Variants in IGF2BP3 observed in about 807,000 individuals in gnomAD.
The protein encoded by IGF2BP3 is insulin-like growth factor 2 mRNA-binding protein 3.
Under a neutral mutation model 73.8 loss-of-function variants are expected in IGF2BP3, and 9 were observed. The observed-to-expected ratio is 0.12, with a 90% CI of 0.07 to 0.21. The LOEUF (loss-of-function observed/expected upper bound fraction) is 0.21. IGF2BP3 is among the 10% of genes least tolerant of loss of function. The pLI, the probability that IGF2BP3 is intolerant of heterozygous loss-of-function variation, is 1.00. For synonymous variants in IGF2BP3, 258 were observed against 256.7 expected, an observed-to-expected ratio of 1.01 and a Z score of -0.05; for missense variants, 542 against 714.0, an observed-to-expected ratio of 0.76 and a Z score of 2.75.
intron 2 of IGF2BP3, among the ~76,000 whole-genome samples, chr7:23,422,367 G>A (rs1787374930): frequency 6.6e-6 from 1 of 152,114 alleles, no homozygotes; most frequent in African/African-American, 2.4e-5. Context: ...GCCTTTTGGG[G>A]GGCCAAGGTG....
chr7:23,356,284 G>A (rs1785094066), intron 5 of IGF2BP3, among the ~76,000 whole-genome samples: 1 of 152,130 alleles, frequency 6.6e-6, no homozygotes, highest in Admixed American at 6.5e-5. Flanking sequence ...CTGGCTGGGT[G>A]CAGGAGCTCA....
chr7:23,467,047 C>T (rs542603360), intron 2 of IGF2BP3, among the ~76,000 whole-genome samples: 1 of 152,180 alleles, frequency 6.6e-6, no homozygotes, highest in Non-Finnish European at 1.5e-5. Context: ...TGACTTCTCC[C>T]TCGATTTTCA....
At chr7:23,439,554 CAAAAAAAAAAA>C in intron 2 of IGF2BP3, among the ~76,000 whole-genome samples, 1 of 56,724 alleles carries the variant, frequency 1.8e-5, no homozygotes, top group Non-Finnish European at 3.4e-5. Flanking sequence ...GACTCCGTCT[CAAAAAAAAAAA>C]AAAAAAAAAA....
chr7:23,378,214 T>C (rs1488248564), intron 3 of IGF2BP3, among the ~76,000 whole-genome samples: 1 of 152,174 alleles, frequency 6.6e-6, no homozygotes, highest in African/African-American at 2.4e-5. Flanking sequence ...ACTGAACTAT[T>C]AGTCACGGAA....
chr7:23,341,409 T>C (rs946521902), intron 10 of IGF2BP3, among the ~76,000 whole-genome samples: 5 of 152,178 alleles, frequency 3.3e-5, no homozygotes, highest in African/African-American at 7.2e-5. Flanking sequence ...CTCACGCCTA[T>C]AACCCCAGCA....
chr7:23,353,349 C>T (rs1476393262), intron 5 of IGF2BP3, among the ~76,000 whole-genome samples: 4 of 152,096 alleles, frequency 2.6e-5, no homozygotes, highest in Non-Finnish European at 5.9e-5. Flanking sequence ...GAAGGCAGAC[C>T]TGGGCAAGCA....
chr7:23,320,191 C>G (rs987008004), intron 10 of IGF2BP3, among the ~76,000 whole-genome samples: 1 of 151,984 alleles, frequency 6.6e-6, no homozygotes, highest in African/African-American at 2.4e-5. Context: ...GGATTACAGG[C>G]GTGAGCCACT....
At chr7:23,341,743 G>A (rs551832972) in intron 10 of IGF2BP3, among the ~76,000 whole-genome samples, 14 of 150,106 alleles carry the variant, frequency 9.3e-5, no homozygotes, top group Non-Finnish European at 1.6e-4. Flanking sequence ...ACATGTATCC[G>A]AGAACTTAGA....
chr7:23,432,561 C>T (rs183033371), intron 2 of IGF2BP3, among the ~76,000 whole-genome samples: 1 of 152,000 alleles, frequency 6.6e-6, no homozygotes, highest in Admixed American at 6.5e-5. Context: ...CAAACTAATC[C>T]TTGATCCCTA....
At chr7:23,468,607 C>T in intron 1 of IGF2BP3, 65 bp from the exon 2 acceptor site, 1 of 1,537,956 alleles carries the variant, frequency 6.5e-7, no homozygotes, top group South Asian at 1.1e-5. Flanking sequence ...CGAAGACCCG[C>T]ACAGCCCAAG....
rs1785191954 is a variant in IGF2BP3, at chr7:23,360,239, A to G, written c.401+1295T>C. Among the ~76,000 whole-genome samples, 6 of 152,200 alleles carry G rather than the reference A, an allele frequency of 3.9e-5. No homozygotes were observed. In the South Asian group the frequency reaches 1.2e-3, roughly 31 times the overall value. ...GGATACATGCTTACATACACACGAC[A>G]TGCAAAAACAGATTCACTACAATAT... On this transcript the variant is annotated intron_variant, in intron 5 of 14. Transcript: ENST00000258729.
chr7:23,324,075 C>G (rs1784228061), intron 10 of IGF2BP3, among the ~76,000 whole-genome samples: 1 of 151,852 alleles, frequency 6.6e-6, no homozygotes, highest in Admixed American at 6.6e-5. Context: ...AAAATCAGAG[C>G]AGAACTGAAG....
At chr7:23,420,740 G>C (rs1037927603) in intron 2 of IGF2BP3, among the ~76,000 whole-genome samples, 3 of 152,132 alleles carry the variant, frequency 2.0e-5, no homozygotes, top group Non-Finnish European at 2.9e-5. Flanking sequence ...GGTACATCCT[G>C]TCTACAATCA....
chr7:23,365,957 T>C (rs1370641686), intron 3 of IGF2BP3: 1 of 152,162 alleles, frequency 6.6e-6, no homozygotes, highest in East Asian at 1.9e-4. Context: ...CTATAGTCAG[T>C]CAATGAGGAT....
chr7:23,321,112 C>T (rs988053269), intron 10 of IGF2BP3, among the ~76,000 whole-genome samples: 23 of 152,174 alleles, frequency 1.5e-4, no homozygotes, highest in Non-Finnish European at 2.5e-4. Context: ...CAGCTCCCAG[C>T]GTGAGCGATG....
rs566510158 is a variant in IGF2BP3 at position 23,378,776 on chromosome 7, G to T, written c.286-17035C>A. Among the ~76,000 whole-genome samples the T allele has an allele frequency of 2.8e-4, 43 of 152,008 alleles. No individual in the cohort carries two copies. The East Asian group carries it at 8.0e-3, about 28-fold the overall frequency. On this transcript the variant is annotated intron_variant, in intron 3 of 14. Coordinates refer to ENST00000258729, the MANE Select transcript of IGF2BP3 (RefSeq NM_006547.3). ...TTTAGTAGAGACGGGGTTTCACCATGTTGGCCAGGATGGTCTCAATCTCTT... is the reference window on the plus strand; with the variant it reads ...TTTAGTAGAGACGGGGTTTCACCATTTTGGCCAGGATGGTCTCAATCTCTT...
At chr7:23,465,528 C>CT (rs201753171) in intron 2 of IGF2BP3, among the ~76,000 whole-genome samples, 125 of 152,112 alleles carry the variant, frequency 8.2e-4, no homozygotes, top group Non-Finnish European at 1.5e-3. Context: ...AAGGGTCCCC[C>CT]CCCAAGCTCC....
At chr7:23,399,564 T>G (rs1179805152) in intron 3 of IGF2BP3, among the ~76,000 whole-genome samples, 3 of 152,178 alleles carry the variant, frequency 2.0e-5, no homozygotes, top group Non-Finnish European at 4.4e-5. Flanking sequence ...GAGACTGATT[T>G]CAGACTCCTG....
At chr7:23,341,518 A>T (rs928234206) in intron 10 of IGF2BP3, among the ~76,000 whole-genome samples, 7 of 152,272 alleles carry the variant, frequency 4.6e-5, no homozygotes, top group African/African-American at 1.7e-4. Flanking sequence ...ATACAAAAAA[A>T]GTAGCCGGGT....
Sources: allele counts gnomAD v4.1 joint callset (sites outside exome capture counted in the v4.1 genomes callset), GRCh38; gene constraint gnomAD v4.1.1; transcripts MANE v1.5; gene names NCBI Gene and HGNC (gene_info 2026-07-23, HGNC 2026-07-21).